Variants in TXLNB observed in about 807,000 individuals in gnomAD.
TXLNB encodes the protein taxilin beta.
A neutral mutation model predicts 57.4 loss-of-function variants in TXLNB; 37 were observed. The observed-to-expected ratio is 0.64, with a 90% CI of 0.50 to 0.85. TXLNB has a LOEUF of 0.85. TXLNB is among the 40% of genes least tolerant of loss of function. TXLNB has a pLI of 0.00. For missense variants in TXLNB, 848 were observed against 825.6 expected, an observed-to-expected ratio of 1.03 and a Z score of -0.33; for synonymous variants, 302 against 309.6, an observed-to-expected ratio of 0.98 and a Z score of 0.26.
At chr6:139,224,146 G>A in the TXLNB span, among the ~76,000 whole-genome samples, 1 of 150,206 alleles carries the variant, frequency 6.7e-6, no homozygotes, top group African/African-American at 2.5e-5. Context: ...GTCCTTTGTA[G>A]GGACATGGAT....
chr6:139,322,920 T>C, the TXLNB span, among the ~76,000 whole-genome samples: 1 of 152,206 alleles, frequency 6.6e-6, no homozygotes, highest in Non-Finnish European at 1.5e-5. Flanking sequence ...GAATCCCCCA[T>C]AAACAGATGC....
the TXLNB span, among the ~76,000 whole-genome samples, chr6:139,197,499 A>G: frequency 3.3e-5 from 5 of 152,186 alleles, no homozygotes; most frequent in Non-Finnish European, 7.3e-5. Context: ...ATACATTACA[A>G]TCAGTTACAG....
chr6:139,165,056 G>A, the TXLNB span, among the ~76,000 whole-genome samples: 1 of 152,148 alleles, frequency 6.6e-6, no homozygotes. Flanking sequence ...TTATGTGCCA[G>A]GTACTGTGCT....
chr6:139,254,216 G>T (rs1776278583), intron 7 of TXLNB, among the ~76,000 whole-genome samples: 1 of 152,082 alleles, frequency 6.6e-6, no homozygotes. Context: ...CTTTAAGAAG[G>T]CTAGATATGA....
the TXLNB span, among the ~76,000 whole-genome samples, chr6:139,222,034 A>T: frequency 1.0e-3 from 157 of 152,314 alleles, 3 homozygotes; most frequent in East Asian, 0.03. Flanking sequence ...GTCCAAAAAA[A>T]TTTAAAAAGA....
At chr6:139,194,077 G>A in the TXLNB span, among the ~76,000 whole-genome samples, 11 of 151,702 alleles carry the variant, frequency 7.3e-5, no homozygotes, top group African/African-American at 2.2e-4. Context: ...TCCTGACCTC[G>A]TGATCCGCCC....
intron 3 of TXLNB, among the ~76,000 whole-genome samples, chr6:139,272,908 C>T (rs984546128): frequency 6.6e-6 from 1 of 152,074 alleles, no homozygotes; most frequent in African/African-American, 2.4e-5. Flanking sequence ...GGGGCGGGTG[C>T]CTGTAATTCC....
chr6:139,175,533 G>A, the TXLNB span, among the ~76,000 whole-genome samples: 5 of 152,130 alleles, frequency 3.3e-5, no homozygotes, highest in Non-Finnish European at 5.9e-5. Flanking sequence ...CACACACACC[G>A]TGGAGGATTA....
chr6:139,233,847 C>A, the TXLNB span, among the ~76,000 whole-genome samples: 1 of 152,120 alleles, frequency 6.6e-6, no homozygotes, highest in East Asian at 1.9e-4. Flanking sequence ...GACTTTGGAA[C>A]TGGGTAACAG....
At chr6:139,163,720 A>G in the TXLNB span, among the ~76,000 whole-genome samples, 7,139 of 151,970 alleles carry the variant, frequency 0.047, 175 homozygotes, top group African/African-American at 0.065. Context: ...TTTCTTACCA[A>G]TCTCTGCAGG....
At chr6:139,193,735 C>T in the TXLNB span, among the ~76,000 whole-genome samples, 682 of 150,408 alleles carry the variant, frequency 4.5e-3, 1 homozygote, top group Non-Finnish European at 6.6e-3. Flanking sequence ...CTCACTGCAA[C>T]CTCCACCTCC....
chr6:139,262,871 G>A lies in TXLNB; in HGVS notation c.688-98C>T, dbSNP rs1215879772. On this transcript the variant is annotated intron_variant, in intron 4 of 9. Transcript: ENST00000358430. ...AGGAGATAAGTGTGCAGAGTAGGTG[G>A]GATGTTTTTTCTCAGTTCTCTAGAG... 4 of 1,246,306 alleles carry A rather than the reference G, an allele frequency of 3.2e-6. No individual in the cohort carries two copies. The East Asian group carries it at 7.3e-5, about 23-fold the overall frequency. The allele number at this position is 1,246,306 out of a possible 1,614,324, so 77.2% of individuals were successfully genotyped here.
chr6:139,220,552 C>A, the TXLNB span, among the ~76,000 whole-genome samples: 1 of 152,140 alleles, frequency 6.6e-6, no homozygotes. Context: ...AGAGCTGGAT[C>A]CATATGTGTG....
At chr6:139,270,672 C>T (rs1188919509) in intron 3 of TXLNB, 46 bp from the exon 4 acceptor site, 1 of 1,563,248 alleles carries the variant, frequency 6.4e-7, no homozygotes, top group South Asian at 1.1e-5. Flanking sequence ...GCAGGGATCT[C>T]CTTGGAGTGG....
Position 139,262,783 on chromosome 6 carries a change from A to T in TXLNB, c.688-10T>A, listed in dbSNP as rs370121728. On this transcript the variant is annotated splice_polypyrimidine_tract_variant and intron_variant, in intron 4 of 9. Coordinates refer to ENST00000358430, the MANE Select transcript of TXLNB (RefSeq NM_153235.4). ...GCTGAAGCGCCTCTTCCTGCGGATA[A>T]AAAGCAAAACATTTTGTTTAAATGC... is the stretch of plus-strand genomic sequence containing the variant. 16 of 1,611,464 alleles carry T rather than the reference A, an allele frequency of 9.9e-6. No individual in the cohort carries two copies. The highest frequency in any genetic ancestry group is 1.3e-5 in the African/African-American group (1 of 74,708).
rs548898305 is a variant in TXLNB, at chr6:139,286,714, T to A, written c.424+1762A>T. ...CACCTGAGCTCCACCTCCTGTCAGGTCAACGGTGGCATTAGATTCTCATAG... is the reference window on the plus strand; with the variant it reads ...CACCTGAGCTCCACCTCCTGTCAGGACAACGGTGGCATTAGATTCTCATAG... On this transcript the variant is annotated intron_variant, in intron 2 of 9. Coordinates refer to ENST00000358430, the MANE Select transcript of TXLNB (RefSeq NM_153235.4). 3 of 152,548 alleles carry A rather than the reference T, an allele frequency of 2.0e-5. No individual in the cohort carries two copies. In the South Asian group the frequency reaches 6.2e-4, roughly 32 times the overall value. 9.4% of individuals were successfully genotyped at this position (152,548 alleles called of 1,614,324 possible).
chr6:139,243,441 C>T, intron 9 of TXLNB, 127 bp from the exon 10 acceptor site: 1 of 963,998 alleles, frequency 1.0e-6, no homozygotes, highest in Non-Finnish European at 1.5e-6. Flanking sequence ...GCTCTGGGAC[C>T]TGGCTACAGA....
At chr6:139,228,067 A>G in the TXLNB span, among the ~76,000 whole-genome samples, 104 of 152,274 alleles carry the variant, frequency 6.8e-4, no homozygotes, top group African/African-American at 2.3e-3. Context: ...TTTTGGAACT[A>G]TTTCCATAGA....
the TXLNB span, chr6:139,176,812 A>T: frequency 6.2e-6 from 4 of 643,354 alleles, no homozygotes; most frequent in Non-Finnish European, 1.1e-5. The surrounding 1 kb of genome is among the most constrained non-coding windows in gnomAD (Gnocchi z 4.5). Context: ...CCCCGTTTCC[A>T]TGTTTTTGGT....
Sources: gnomAD v4.1 joint callset for allele counts (sites outside exome capture counted in the v4.1 genomes callset) on GRCh38, gnomAD v4.1.1 for gene constraint, Gnocchi (gnomAD v3.1) non-coding constraint, MANE v1.5 for transcripts, NCBI Gene and HGNC (gene_info 2026-07-23, HGNC 2026-07-21) for gene names.